The following ANKRD27 variants were observed in gnomAD, a reference collection of about 807,000 sequenced individuals.
ANKRD27 encodes ankyrin repeat domain 27.
Under a neutral mutation model 129.7 loss-of-function variants are expected in ANKRD27, and 112 were observed. That is an observed-to-expected ratio of 0.86 (90% CI 0.74 to 1.01). The LOEUF (loss-of-function observed/expected upper bound fraction) is 1.01, where lower values mean the gene tolerates loss of function less well. ANKRD27 is among the 50% of genes least tolerant of loss of function. The pLI is 0.00. For synonymous variants in ANKRD27, 516 were observed against 511.2 expected (o/e 1.01, Z -0.13); for missense variants, 1,258 against 1,300.5 (o/e 0.97, Z 0.50).
At chr19:32,638,718 C>T (rs1417567907) in intron 12 of ANKRD27, 1 of 152,632 alleles carries the variant, frequency 6.6e-6, no homozygotes, top group Admixed American at 6.5e-5. Flanking sequence ...TACAGTACGC[C>T]TGCTCTAGCT....
At position 32,600,206 on chromosome 19, in the gene ANKRD27, TATAACAGGTTGAGTATCTCCA is replaced by T. The variant is rs111649323; in HGVS notation, c.2768-177_2768-157del. ...TAAAGAAACACAGCTAGTACCTATT[TATAACAGGTTGAGTATCTCCA>T]ATCCAAAAATCTAAAGCCTAAAATG... On this transcript the variant is annotated intron_variant, in intron 26 of 28. Coordinates refer to ENST00000306065, the MANE Select transcript of ANKRD27 (RefSeq NM_032139.3). The T allele has an allele frequency of 0.024, 13,911 of 570,406 alleles. 1,199 individuals carry two copies. In the East Asian group the frequency reaches 0.25, roughly 10 times the overall value. 35.3% of individuals were successfully genotyped at this position (570,406 alleles called of 1,614,324 possible).
chr19:32,643,935 T>C (rs1967252075), intron 5 of ANKRD27: 1 of 492,200 alleles, frequency 2.0e-6, no homozygotes, highest in South Asian at 2.3e-5. Context: ...AGTGCAGTGG[T>C]ATGACTATAG....
intron 9 of ANKRD27, among the ~76,000 whole-genome samples, chr19:32,642,482 G>A (rs1967220666): frequency 6.6e-6 from 1 of 152,168 alleles, no homozygotes; most frequent in Non-Finnish European, 1.5e-5. Flanking sequence ...GCTCACGCCT[G>A]TAATCCCAGC....
chr19:32,610,908 A>C (rs937606768), intron 22 of ANKRD27, among the ~76,000 whole-genome samples: 1 of 152,082 alleles, frequency 6.6e-6, no homozygotes, highest in Non-Finnish European at 1.5e-5. Flanking sequence ...TGAGCCCAGG[A>C]GTCCCAAGCT....
At chr19:32,601,130 C>G (rs755298017) in intron 26 of ANKRD27, among the ~76,000 whole-genome samples, 1 of 150,500 alleles carries the variant, frequency 6.6e-6, no homozygotes, top group Non-Finnish European at 1.5e-5. Flanking sequence ...GAAACCCTGT[C>G]TCTACTAAAA....
At chr19:32,668,307 C>T (rs1186941128) in intron 1 of ANKRD27, among the ~76,000 whole-genome samples, 1 of 152,042 alleles carries the variant, frequency 6.6e-6, no homozygotes, top group Admixed American at 6.6e-5. Flanking sequence ...TATGAGCCAC[C>T]TGGCCAAGCC....
chr19:32,628,889 T>C (rs1366867504), intron 13 of ANKRD27, 40 bp from the exon 14 acceptor site: 2 of 1,610,280 alleles, frequency 1.2e-6, no homozygotes, highest in African/African-American at 1.3e-5. Flanking sequence ...CATGCTGGAA[T>C]TACTCAATTA....
intron 22 of ANKRD27, among the ~76,000 whole-genome samples, chr19:32,608,033 C>T (rs796067418): frequency 7.3e-5 from 11 of 151,062 alleles, no homozygotes; most frequent in African/African-American, 2.4e-4. Context: ...CAGGGTCTCA[C>T]TCTGTTGCCC....
intron 22 of ANKRD27, among the ~76,000 whole-genome samples, chr19:32,610,097 G>A (rs2145264370): frequency 6.6e-6 from 1 of 152,148 alleles, no homozygotes; most frequent in East Asian, 1.9e-4. Context: ...GGATCATGAG[G>A]TCAAGAGATC....
chr19:32,616,682 T>C (rs141643149), intron 21 of ANKRD27, among the ~76,000 whole-genome samples: 337 of 152,072 alleles, frequency 2.2e-3, no homozygotes, highest in African/African-American at 7.9e-3. Context: ...ATGTACCTAA[T>C]GGTTAGGAAA....
In ANKRD27 at chr19:32,626,807, G is replaced by A. The variant is rs765828653; in HGVS notation, c.1441C>T (p.Leu481Phe). 42 of 1,610,612 alleles carry A rather than the reference G, an allele frequency of 2.6e-5. No homozygotes were observed. The highest frequency in any genetic ancestry group is 4.5e-5 in the East Asian group (2 of 44,674). The change falls in exon 16 of 29, where the codon CTC (leucine) becomes TTC (phenylalanine). Residue 481 changes from leucine (L) to phenylalanine (F), a missense_variant. By Grantham distance (22) the Leu-to-Phe change is conservative (BLOSUM62 0). Coordinates refer to ENST00000306065, the MANE Select transcript of ANKRD27 (RefSeq NM_032139.3). Reference sequence around the variant, plus strand: ...ACCATGGCGCCCTTGGAAACCAGGAGGTCGATGAGGGATGCCTGCCCTGCA... The same window carrying A: ...ACCATGGCGCCCTTGGAAACCAGGAAGTCGATGAGGGATGCCTGCCCTGCA... ...AVCGQASLID[L>F]LVSKGAMVNA...
intron 3 of ANKRD27, 131 bp from the exon 4 acceptor site, chr19:32,646,746 T>G: frequency 1.1e-6 from 1 of 895,130 alleles, no homozygotes; most frequent in Non-Finnish European, 1.7e-6. Flanking sequence ...GGGGCACAAA[T>G]ACTCTCCTGT....
intron 1 of ANKRD27, chr19:32,673,191 C>T: frequency 2.7e-6 from 2 of 740,404 alleles, no homozygotes; most frequent in Non-Finnish European, 3.3e-6. Context: ...AGCTGCCGGC[C>T]AAGATTATTT....
chr19:32,628,152 G>A lies in ANKRD27; in HGVS notation c.1351C>T (p.Pro451Ser). ...CTGGAGAATGGAGTGACAACTGAGG[G>A]ATCATTCAACCTCCTAAAATACAGA... ...EKLVSGRLND[P>S]SVVTPFSRDD... is the part of the protein sequence containing the mutation. The change falls in exon 15 of 29, where the codon CCC becomes TCC. Residue 451 changes from proline to serine, a missense_variant. By Grantham distance (74) the Pro-to-Ser change is moderately conservative. Transcript: ENST00000306065. 6.2e-7 allele frequency: 1 copy of A among 1,614,056 alleles called. No individual in the cohort carries two copies. The highest frequency in any genetic ancestry group is 8.5e-7 in the Non-Finnish European group (1 of 1,179,908).
chr19:32,643,308 C>G lies in ANKRD27; in HGVS notation c.684G>C (p.Val228=). ...HEIYNLIFKY[V]GTMEASEDAA... is the part of the protein sequence containing the mutation. ...CTACCTCACTTGCCTCCATGGTCCC[C>G]ACGTATTTAAAGATCAGGTTGTAAA... Residue 228 remains valine, a synonymous_variant, in exon 8 of 29, where the codon GTG becomes GTC. Coordinates refer to ENST00000306065, the MANE Select transcript of ANKRD27 (RefSeq NM_032139.3). The G allele has an allele frequency of 6.2e-7, 1 of 1,613,938 alleles. No individual in the cohort carries two copies. Among genetic ancestry groups the G allele is most frequent in the Non-Finnish European group, 8.5e-7 (1 of 1,180,020 alleles).
chr19:32,649,809 G>T lies in ANKRD27; in HGVS notation c.103-17C>A, dbSNP rs372890668. On this transcript the variant is annotated splice_polypyrimidine_tract_variant and intron_variant, in intron 2 of 28. Transcript: ENST00000306065. ...TACTAAGACCTGGAAAAAACAATTC[G>T]GGGCAACATTAGACAGACGTGCCAT... is the stretch of plus-strand genomic sequence containing the variant. 6.5e-7 allele frequency: 1 copy of T among 1,540,586 alleles called. No individual in the cohort carries two copies. Among genetic ancestry groups the T allele is most frequent in the East Asian group, 2.2e-5 (1 of 44,590 alleles).
chr19:32,654,330 C>T (rs1967479326), intron 2 of ANKRD27, among the ~76,000 whole-genome samples: 1 of 152,222 alleles, frequency 6.6e-6, no homozygotes, highest in African/African-American at 2.4e-5. Context: ...GAGACCCCAT[C>T]TCTACCAAAA....
At chr19:32,658,662 G>GA (rs774716154) in intron 2 of ANKRD27, among the ~76,000 whole-genome samples, 1 of 152,162 alleles carries the variant, frequency 6.6e-6, no homozygotes, top group East Asian at 1.9e-4. Context: ...GGTGCTCCAC[G>GA]AAAGGGCACA....
chr19:32,667,890 A>G (rs534690647), intron 1 of ANKRD27, among the ~76,000 whole-genome samples: 52 of 151,902 alleles, frequency 3.4e-4, no homozygotes, highest in African/African-American at 1.2e-3. Flanking sequence ...TTCTCTCTTC[A>G]TTAAAATGAG....
Sources: gnomAD v4.1 joint callset for allele counts (sites outside exome capture counted in the v4.1 genomes callset) on GRCh38, gnomAD v4.1.1 for gene constraint, MANE v1.5 for transcripts, NCBI Gene and HGNC (gene_info 2026-07-23, HGNC 2026-07-21) for gene names.